CYSTM1: variants seen among roughly 807,000 people sequenced by gnomAD.
The protein encoded by CYSTM1 is cysteine rich transmembrane module containing 1.
A neutral mutation model predicts 13.1 loss-of-function variants in CYSTM1; 4 were observed. The ratio of observed to expected loss-of-function variants is 0.31; its 90% CI spans 0.15 to 0.70. The LOEUF (loss-of-function observed/expected upper bound fraction) is 0.70, where lower values mean the gene tolerates loss of function less well. Among genes scored for constraint, CYSTM1 ranks in the 30% least tolerant of loss-of-function variants. CYSTM1 has a pLI of 0.72. For missense variants in CYSTM1, 96 were observed against 121.6 expected (o/e 0.79, Z 0.99); for synonymous variants, 36 against 42.7 (o/e 0.84, Z 0.62).
rs1181813898 is a variant in CYSTM1, at chr5:140,175,839, G to A, written c.-21+554G>A. Among the ~76,000 whole-genome samples the A allele has an allele frequency of 6.6e-6, 1 of 152,202 alleles. No homozygotes were observed. Among genetic ancestry groups the A allele is most frequent in the Non-Finnish European group, 1.5e-5 (1 of 68,026 alleles). On this transcript the variant is annotated intron_variant, in intron 1 of 2. Transcript: ENST00000261811. The surrounding 1 kb of genome is among the most constrained non-coding windows in gnomAD (Gnocchi z 4.9). The stretch of plus-strand genomic sequence containing the variant: ...CCGGGGTGTTCAGAGAAGGCGTTGC[G>A]GGGGAAAGGAATCCCGGCTGCTGTT...
rs759013123 is a variant in CYSTM1, at chr5:140,230,928, G to A, written c.188-12377G>A. 1.7e-4 allele frequency among the ~76,000 whole-genome samples: 26 copies of A among 152,008 alleles called. No homozygotes were observed. Among genetic ancestry groups the A allele is most frequent in the Non-Finnish European group, 2.9e-4 (20 of 68,006 alleles). ...AAACACATACCTCTTATTCTTTTTC[G>A]TAATTTTCTTGGCTTTCTCGGCCTT... On this transcript the variant is annotated intron_variant, in intron 2 of 2. Transcript: ENST00000261811. The surrounding 1 kb of genome is among the most constrained non-coding windows in gnomAD (Gnocchi z 4.1).
At chr5:140,240,200 C>T (rs1581075745) in intron 2 of CYSTM1, among the ~76,000 whole-genome samples, 2 of 152,130 alleles carry the variant, frequency 1.3e-5, no homozygotes, top group Admixed American at 1.3e-4. Flanking sequence ...TAACCCCTCT[C>T]CCTTTTTTCC....
intron 2 of CYSTM1, among the ~76,000 whole-genome samples, chr5:140,220,658 C>T (rs1764478293): frequency 6.6e-6 from 1 of 152,060 alleles, no homozygotes; most frequent in Non-Finnish European, 1.5e-5. Context: ...GCAAAGTGAG[C>T]ATGTGAGGTG....
At chr5:140,197,009 A>G (rs1764166898) in intron 2 of CYSTM1, among the ~76,000 whole-genome samples, 1 of 152,210 alleles carries the variant, frequency 6.6e-6, no homozygotes, top group South Asian at 2.1e-4. Flanking sequence ...GTTTTATGTC[A>G]GCAGAGAAAG....
rs185580717 is a variant in CYSTM1, at chr5:140,215,244, T to A, written c.187+20592T>A. Among the ~76,000 whole-genome samples, 6 of 152,348 alleles carry A rather than the reference T, an allele frequency of 3.9e-5. No homozygotes were observed. The East Asian group carries it at 9.6e-4, about 24-fold the overall frequency. ...TATATTCTGCTTATATTGTGGCTCC[T>A]TGGAGCCACAGAGTTGAGATGCTCT... On this transcript the variant is annotated intron_variant, in intron 2 of 2. Transcript: ENST00000261811.
chr5:140,217,436 A>G (rs1401348236), intron 2 of CYSTM1, among the ~76,000 whole-genome samples: 3 of 152,078 alleles, frequency 2.0e-5, no homozygotes, highest in Non-Finnish European at 4.4e-5. Flanking sequence ...TCTGTGAAAA[A>G]GGTGTATCCT....
At chr5:140,203,017 T>A (rs1764251137) in intron 2 of CYSTM1, 1 of 152,178 alleles carries the variant, frequency 6.6e-6, no homozygotes, top group South Asian at 2.1e-4. Flanking sequence ...TCAGCTGACA[T>A]GATTGAAACA....
In CYSTM1 at chr5:140,219,727, A is replaced by T. The variant is rs888501892; in HGVS notation, c.188-23578A>T. Reference sequence around the variant, plus strand: ...GTATACCTAAGATAAAACACGTTTTATGTTCATTAAAAATGATATGGCAGT... The same window carrying T: ...GTATACCTAAGATAAAACACGTTTTTTGTTCATTAAAAATGATATGGCAGT... On this transcript the variant is annotated intron_variant, in intron 2 of 2. Coordinates refer to ENST00000261811, the MANE Select transcript of CYSTM1 (RefSeq NM_032412.4). The surrounding 1 kb of genome is among the most constrained non-coding windows in gnomAD (Gnocchi z 4.1). Among the ~76,000 whole-genome samples, 16 of 152,226 alleles carry T rather than the reference A, an allele frequency of 1.1e-4. No individual in the cohort carries two copies. Among genetic ancestry groups the T allele is most frequent in the African/African-American group, 3.9e-4 (16 of 41,468 alleles).
intron 2 of CYSTM1, among the ~76,000 whole-genome samples, chr5:140,204,388 C>T (rs1038515633): frequency 2.0e-5 from 3 of 152,070 alleles, no homozygotes; most frequent in African/African-American, 4.8e-5. Flanking sequence ...AACAACAAAA[C>T]GTCTCCTGAT....
rs137913461 is a variant in CYSTM1 at position 140,177,576 on chromosome 5, G to A, written c.-21+2291G>A. On this transcript the variant is annotated intron_variant, in intron 1 of 2. Coordinates refer to ENST00000261811, the MANE Select transcript of CYSTM1 (RefSeq NM_032412.4). ...TGGTTTGTGCGTAAATATAGAAACC[G>A]GTGCAGCACTCAAAGGAGTGCAAAT... 4.6e-5 allele frequency among the ~76,000 whole-genome samples: 7 copies of A among 152,230 alleles called. No homozygotes were observed. In the East Asian group the frequency reaches 1.2e-3, roughly 25 times the overall value.
At chr5:140,208,638 C>A (rs1218566253) in intron 2 of CYSTM1, among the ~76,000 whole-genome samples, 1 of 152,178 alleles carries the variant, frequency 6.6e-6, no homozygotes, top group Non-Finnish European at 1.5e-5. Flanking sequence ...ATACCCCATT[C>A]TCTATGATGC....
chr5:140,179,392 C>G (rs969740851), intron 1 of CYSTM1, among the ~76,000 whole-genome samples: 3 of 151,902 alleles, frequency 2.0e-5, no homozygotes, highest in African/African-American at 7.2e-5. Flanking sequence ...AACCCTGTCT[C>G]TACTAAAATT....
At chr5:140,243,228 G>A in intron 2 of CYSTM1, 77 bp from the exon 3 acceptor site, 1 of 1,160,580 alleles carries the variant, frequency 8.6e-7, no homozygotes, top group East Asian at 2.4e-5. Flanking sequence ...GCCTTCCTGT[G>A]GTCCTGGGAG....
intron 2 of CYSTM1, among the ~76,000 whole-genome samples, chr5:140,234,833 T>C (rs1173320711): frequency 3.9e-5 from 6 of 152,212 alleles, no homozygotes; most frequent in South Asian, 2.1e-4. Flanking sequence ...TTTGCTGCCA[T>C]TGGAAAATCC....
At chr5:140,203,213 T>C (rs1764252884) in intron 2 of CYSTM1, 1 of 152,208 alleles carries the variant, frequency 6.6e-6, no homozygotes, top group Non-Finnish European at 1.5e-5. Flanking sequence ...CAAAAAACTT[T>C]CGATTTAACT....
intron 1 of CYSTM1, among the ~76,000 whole-genome samples, chr5:140,181,285 T>C (rs1763959745): frequency 6.6e-6 from 1 of 152,170 alleles, no homozygotes; most frequent in Admixed American, 6.5e-5. Flanking sequence ...GCCACTAGCT[T>C]CCTGGACACT....
chr5:140,227,880 C>G (rs1678150287), intron 2 of CYSTM1, among the ~76,000 whole-genome samples: 2 of 151,426 alleles, frequency 1.3e-5, no homozygotes, highest in Admixed American at 6.6e-5. Context: ...CTCCACCTCT[C>G]TCCACACCCT....
chr5:140,179,175 G>C (rs1309854331), intron 1 of CYSTM1, among the ~76,000 whole-genome samples: 1 of 151,938 alleles, frequency 6.6e-6, no homozygotes, highest in Admixed American at 6.6e-5. Context: ...TGGGAGGATC[G>C]CTGGAGCCCA....
At chr5:140,221,781 C>T (rs747707196) in intron 2 of CYSTM1, among the ~76,000 whole-genome samples, 4 of 152,226 alleles carry the variant, frequency 2.6e-5, no homozygotes, top group Admixed American at 6.5e-5. Context: ...TCACCGTTCT[C>T]TGCTGAGCAA....
Sources: allele counts gnomAD v4.1 joint callset (sites outside exome capture counted in the v4.1 genomes callset), GRCh38; gene constraint gnomAD v4.1.1; non-coding constraint Gnocchi (gnomAD v3.1); transcripts MANE v1.5; gene names NCBI Gene and HGNC (gene_info 2026-07-23, HGNC 2026-07-21).